CDH18: variants seen among roughly 807,000 people sequenced by gnomAD.
The protein encoded by CDH18 is cadherin 18.
Under a neutral mutation model 67.9 loss-of-function variants are expected in CDH18, and 31 were observed. The observed-to-expected ratio is 0.46, with a 90% CI of 0.34 to 0.62. CDH18 has a LOEUF of 0.62. Among genes scored for constraint, CDH18 ranks in the 20% least tolerant of loss-of-function variants. CDH18 has a pLI of 0.01. For synonymous variants in CDH18, 362 were observed against 347.2 expected (o/e 1.04, Z -0.48); for missense variants, 890 against 975.5 (o/e 0.91, Z 1.17).
intron 2 of CDH18, among the ~76,000 whole-genome samples, chr5:19,993,931 C>T (rs1297626242): frequency 6.6e-6 from 1 of 152,102 alleles, no homozygotes; most frequent in Non-Finnish European, 1.5e-5. Context: ...TTATGCCACG[C>T]TTCCTCTAAC....
At chr5:20,231,098 T>G (rs1288438562) in intron 2 of CDH18, among the ~76,000 whole-genome samples, 1 of 152,206 alleles carries the variant, frequency 6.6e-6, no homozygotes, top group South Asian at 2.1e-4. Flanking sequence ...CCACTGCTAC[T>G]ATACGTTGAA....
At chr5:20,188,065 GTAAC>G (rs1738241446) in intron 2 of CDH18, among the ~76,000 whole-genome samples, 1 of 151,772 alleles carries the variant, frequency 6.6e-6, no homozygotes, top group Admixed American at 6.6e-5. Flanking sequence ...ACATATTGAT[GTAAC>G]TAACAAATAT....
intron 2 of CDH18, among the ~76,000 whole-genome samples, chr5:20,048,121 AT>A (rs112070380): frequency 2.2e-4 from 34 of 151,582 alleles, no homozygotes; most frequent in African/African-American, 5.3e-4. Context: ...GTAAATTGTA[AT>A]TTTTTTTCTT....
At chr5:19,846,534 C>T (rs947753667) in intron 2 of CDH18, among the ~76,000 whole-genome samples, 4 of 152,012 alleles carry the variant, frequency 2.6e-5, no homozygotes, top group Non-Finnish European at 5.9e-5. Flanking sequence ...CTATAAAGTT[C>T]TATTTATTAG....
intron 6 of CDH18, among the ~76,000 whole-genome samples, chr5:19,603,590 T>C (rs351314): frequency 0.039 from 5,946 of 151,720 alleles, 320 homozygotes; most frequent in African/African-American, 0.12. Flanking sequence ...TTTTTCAGAA[T>C]AGAAAAATGA....
intron 5 of CDH18, among the ~76,000 whole-genome samples, chr5:19,666,658 A>C (rs75466778): frequency 6.6e-6 from 1 of 152,084 alleles, no homozygotes; most frequent in African/African-American, 2.4e-5. Flanking sequence ...CTATCCTTCA[A>C]ATATCAATTT....
chr5:20,359,841 C>G (rs76128779), intron 1 of CDH18, among the ~76,000 whole-genome samples: 3,487 of 151,982 alleles, frequency 0.023, 101 homozygotes, highest in East Asian at 0.075. Flanking sequence ...AAAAACGACC[C>G]AGTGAAACAT....
At chr5:19,926,581 A>G (rs1379718641) in intron 2 of CDH18, among the ~76,000 whole-genome samples, 1 of 152,182 alleles carries the variant, frequency 6.6e-6, no homozygotes, top group Non-Finnish European at 1.5e-5. Flanking sequence ...TTTAATTTCC[A>G]TATCAAGCAA....
intron 1 of CDH18, among the ~76,000 whole-genome samples, chr5:20,524,846 A>C (rs1302585077): frequency 6.6e-6 from 1 of 152,170 alleles, no homozygotes; most frequent in African/African-American, 2.4e-5. Flanking sequence ...TTGTTAACTC[A>C]GTAAAGGCCT....
At chr5:20,133,374 T>C (rs950718402) in intron 2 of CDH18, among the ~76,000 whole-genome samples, 1 of 151,970 alleles carries the variant, frequency 6.6e-6, no homozygotes, top group Non-Finnish European at 1.5e-5. Context: ...TATGAAACCA[T>C]CAGCTTTCAT....
intron 2 of CDH18, among the ~76,000 whole-genome samples, chr5:20,089,490 A>C: frequency 6.6e-6 from 1 of 152,242 alleles, no homozygotes; most frequent in Admixed American, 6.6e-5. Flanking sequence ...TGTTTTAGAA[A>C]ATCAATAAAT....
intron 3 of CDH18, among the ~76,000 whole-genome samples, chr5:19,788,290 A>C (rs1463012636): frequency 1.3e-5 from 2 of 152,194 alleles, no homozygotes; most frequent in Non-Finnish European, 2.9e-5. Context: ...AGATAACTTG[A>C]AACAAAAAAA....
At chr5:19,505,369 T>A (rs1743947399) in intron 10 of CDH18, among the ~76,000 whole-genome samples, 2 of 152,186 alleles carry the variant, frequency 1.3e-5, no homozygotes, top group South Asian at 4.1e-4. Flanking sequence ...ATAGGAGTGG[T>A]GAGAAAGGGC....
chr5:20,048,778 A>G (rs1442031210), intron 2 of CDH18, among the ~76,000 whole-genome samples: 3 of 151,592 alleles, frequency 2.0e-5, no homozygotes, highest in African/African-American at 2.4e-5. Context: ...AAAATATGTA[A>G]TAACTCCTTC....
intron 9 of CDH18, among the ~76,000 whole-genome samples, chr5:19,532,258 T>C (rs563317391): frequency 3.9e-5 from 6 of 152,322 alleles, no homozygotes; most frequent in Non-Finnish European, 7.3e-5. Flanking sequence ...ATAAACTTTA[T>C]CAATGTATTG....
At chr5:20,414,184 A>G (rs1747069188) in intron 1 of CDH18, among the ~76,000 whole-genome samples, 1 of 152,196 alleles carries the variant, frequency 6.6e-6, no homozygotes, top group Non-Finnish European at 1.5e-5. Flanking sequence ...CAGCAATCTG[A>G]TTACTGGGAA....
At chr5:20,013,971 A>G (rs1168615073) in intron 2 of CDH18, among the ~76,000 whole-genome samples, 1 of 152,154 alleles carries the variant, frequency 6.6e-6, no homozygotes, top group Non-Finnish European at 1.5e-5. Flanking sequence ...TAAAGTCAAT[A>G]GATACCCTGA....
intron 1 of CDH18, among the ~76,000 whole-genome samples, chr5:20,459,942 A>G (rs1751131519): frequency 6.6e-6 from 1 of 152,186 alleles, no homozygotes; most frequent in African/African-American, 2.4e-5. Flanking sequence ...AAGTAATTGT[A>G]TTTTGAATAG....
At chr5:20,201,705 T>C (rs1318182872) in intron 2 of CDH18, among the ~76,000 whole-genome samples, 1 of 152,144 alleles carries the variant, frequency 6.6e-6, no homozygotes. Context: ...TAATATAATC[T>C]GTTAAGCAAG....
Sources: allele counts gnomAD v4.1 joint callset (sites outside exome capture counted in the v4.1 genomes callset), GRCh38; gene constraint gnomAD v4.1.1; transcripts MANE v1.5; gene names NCBI Gene and HGNC (gene_info 2026-07-23, HGNC 2026-07-21).